The following PEG3 variants were observed in gnomAD, a reference collection of about 807,000 sequenced individuals.
The protein encoded by PEG3 is paternally-expressed gene 3 protein.
In PEG3, 23 loss-of-function variants were observed where a neutral mutation model predicts 35.5. The ratio of observed to expected loss-of-function variants is 0.65; its 90% CI spans 0.47 to 0.92. PEG3 has a LOEUF of 0.92. Ranked by LOEUF, PEG3 falls within the 40% of genes least tolerant of loss-of-function variation. The pLI is 0.00. For missense variants in PEG3, 1,960 were observed against 1,985.3 expected, an observed-to-expected ratio of 0.99 and a Z score of 0.24; for synonymous variants, 707 against 697.0, an observed-to-expected ratio of 1.01 and a Z score of -0.23.
chr19:56,839,558 G>A (rs1452041644), intron 1 of PEG3, among the ~76,000 whole-genome samples: 1 of 150,634 alleles, frequency 6.6e-6, no homozygotes, highest in Non-Finnish European at 1.5e-5. Flanking sequence ...GCGTCAAAGC[G>A]GGCGGGGCCT....
intron 2 of PEG3, among the ~76,000 whole-genome samples, chr19:56,831,239 C>T (rs1332244734): frequency 6.6e-6 from 1 of 152,130 alleles, no homozygotes; most frequent in Non-Finnish European, 1.5e-5. Context: ...ACCACTGGGA[C>T]ATAACAGAGT....
intron 6 of PEG3, among the ~76,000 whole-genome samples, chr19:56,822,253 A>C (rs2060567226): frequency 6.6e-6 from 1 of 152,186 alleles, no homozygotes; most frequent in African/African-American, 2.4e-5. Context: ...GTCCAGGAAG[A>C]AGAGGAAATG....
chr19:56,838,128 C>A (rs1030687716), intron 1 of PEG3, among the ~76,000 whole-genome samples: 2 of 152,158 alleles, frequency 1.3e-5, no homozygotes, highest in Non-Finnish European at 2.9e-5. Flanking sequence ...CGGGGCCATG[C>A]AGACCCCGTC....
intron 8 of PEG3, among the ~76,000 whole-genome samples, chr19:56,818,221 C>T (rs1390506208): frequency 6.6e-6 from 1 of 152,198 alleles, no homozygotes; most frequent in Non-Finnish European, 1.5e-5. Flanking sequence ...AGACCTGCAG[C>T]ACAGCCAACT....
At chr19:56,821,611 G>C in intron 7 of PEG3, 40 bp downstream of exon 7, 1 of 1,607,828 alleles carries the variant, frequency 6.2e-7, no homozygotes, top group South Asian at 1.1e-5. Flanking sequence ...GCCATGAAAT[G>C]AAGATGGCCT....
At position 56,811,658 on chromosome 19, in the gene PEG3, A is replaced by G. The variant is rs2059551165; in HGVS notation, c.*2017T>C. ...CCACAAAGTTCACCCCGACATCAAC[A>G]CTGATTCTCGTTTCAAGAGTCCTTT... On this transcript the variant is annotated 3_prime_UTR_variant, in exon 10 of 10. Transcript: ENST00000326441. 1.0e-6 allele frequency: 1 copy of G among 985,276 alleles called. No individual in the cohort carries two copies. Among genetic ancestry groups the G allele is most frequent in the Non-Finnish European group, 1.2e-6 (1 of 829,932 alleles). 61.0% of individuals were successfully genotyped at this position (985,276 alleles called of 1,614,324 possible).
intron 4 of PEG3, among the ~76,000 whole-genome samples, chr19:56,823,917 C>A (rs1284866654): frequency 7.0e-4 from 107 of 152,146 alleles, no homozygotes; most frequent in Non-Finnish European, 4.4e-5. Flanking sequence ...CACAAACAGC[C>A]AGAAGGCAAC....
At position 56,817,541 on chromosome 19, in the gene PEG3, G is replaced by A. The variant is rs776749398; in HGVS notation, c.901C>T (p.Arg301Trp). 19 of 1,598,592 alleles carry A rather than the reference G, an allele frequency of 1.2e-5. No homozygotes were observed. The highest frequency in any genetic ancestry group is 4.5e-5 in the East Asian group (2 of 44,640). ...TMPEAKKSTH[R>W]RGICEDESSH... is the part of the protein sequence containing the mutation. ...GATTCATCTTCACAAATCCCCCGCC[G>A]GTGGGTTGATTTTTTGGCTTCAGGC... Residue 301 changes from arginine (R) to tryptophan (W), a missense_variant, in exon 10 of 10, where the codon CGG becomes TGG. By Grantham distance (101) the Arg-to-Trp change is moderately radical. This residue lies in a region of PEG3 where 613 missense variants were observed against 577.1 expected (regional missense o/e 1.06). Transcript: ENST00000326441.
Position 56,815,672 on chromosome 19 carries a change from C to A in PEG3, c.2770G>T (p.Val924Phe). 1 of 1,614,186 alleles carries A rather than the reference C, an allele frequency of 6.2e-7. No homozygotes were observed. Among genetic ancestry groups the A allele is most frequent in the Non-Finnish European group, 8.5e-7 (1 of 1,180,020 alleles). ...TATTCACGGACATTTGAGCTGGGAACAGAGAATTCGCCATCCTTCTTAAAC... is the reference window on the plus strand; with the variant it reads ...TATTCACGGACATTTGAGCTGGGAAAAGAGAATTCGCCATCCTTCTTAAAC... The part of the protein sequence containing the change: ...GEFKKDGEFS[V>F]PSSNVREYQK... Residue 924 changes from valine (V) to phenylalanine (F), a missense_variant, in exon 10 of 10, where the codon GTT becomes TTT. Around this residue, in one of 5 missense-constraint regions of PEG3, gnomAD observed 798 missense variants for 782.4 expected, o/e 1.02. Coordinates refer to ENST00000326441, the MANE Select transcript of PEG3 (RefSeq NM_006210.3).
At chr19:56,823,326 C>G (rs1258111720) in intron 5 of PEG3, among the ~76,000 whole-genome samples, 1 of 152,236 alleles carries the variant, frequency 6.6e-6, no homozygotes, top group East Asian at 1.9e-4. Flanking sequence ...GGGGGTACAG[C>G]TGGAAGCAGC....
intron 6 of PEG3, 94 bp downstream of exon 6, chr19:56,822,659 G>T: frequency 6.6e-7 from 1 of 1,515,818 alleles, no homozygotes. Context: ...AAATGGAGCA[G>T]CAGAAACTTC....
intron 1 of PEG3, among the ~76,000 whole-genome samples, chr19:56,836,830 T>C (rs962294715): frequency 9.2e-5 from 14 of 151,806 alleles, no homozygotes; most frequent in African/African-American, 2.9e-4. Flanking sequence ...TAGATGGGCA[T>C]GGTGGCGCGC....
In PEG3 at chr19:56,812,725, G is replaced by A; in HGVS notation, c.*950C>T. 1 of 984,612 alleles carries A rather than the reference G, an allele frequency of 1.0e-6. No individual in the cohort carries two copies. The highest frequency in any genetic ancestry group is 5.2e-4 in the Middle Eastern group (1 of 1,908). 61.0% of individuals were successfully genotyped at this position (984,612 alleles called of 1,614,324 possible). ...GCACTACTGTGATCTAGTGATGGTT[G>A]TAACCCATTCTTTAAAGGCAAAGAT... On this transcript the variant is annotated 3_prime_UTR_variant, in exon 10 of 10. Coordinates refer to ENST00000326441, the MANE Select transcript of PEG3 (RefSeq NM_006210.3).
intron 1 of PEG3, among the ~76,000 whole-genome samples, chr19:56,840,033 G>C (rs560646957): frequency 6.6e-6 from 1 of 152,174 alleles, no homozygotes; most frequent in African/African-American, 2.4e-5. Context: ...AACAAGCCCC[G>C]CCCCCAGAGG....
In PEG3 at chr19:56,822,856, C is replaced by T; in HGVS notation, c.482-20G>A. 6.2e-7 allele frequency: 1 copy of T among 1,608,880 alleles called. No individual in the cohort carries two copies. The highest frequency in any genetic ancestry group is 8.5e-7 in the Non-Finnish European group (1 of 1,177,654). On this transcript the variant is annotated intron_variant, in intron 5 of 9. Coordinates refer to ENST00000326441, the MANE Select transcript of PEG3 (RefSeq NM_006210.3). ...GGTCACCTAAGCAGGTGAGACATTC[C>T]AGTGGTTAACAAAGCTCTTTGACAC...
intron 2 of PEG3, among the ~76,000 whole-genome samples, chr19:56,834,502 T>A (rs1245466652): frequency 1.3e-5 from 2 of 152,194 alleles, no homozygotes; most frequent in Non-Finnish European, 2.9e-5. Context: ...CACTGCTGAG[T>A]ACTTGGGTCC....
chr19:56,812,111 A>G lies in PEG3; in HGVS notation c.*1564T>C. The G allele has an allele frequency of 2.1e-5, 20 of 974,708 alleles. No individual in the cohort carries two copies. The highest frequency in any genetic ancestry group is 2.3e-5 in the Non-Finnish European group (19 of 820,238). The allele number at this position is 974,708 out of a possible 1,614,324, so 60.4% of individuals were successfully genotyped here. On this transcript the variant is annotated 3_prime_UTR_variant, in exon 10 of 10. Transcript: ENST00000326441. Reference sequence around the variant, plus strand: ...AATGATCTACACTTACATTTTGCAAATCTTTTTTTTTAAATTTTTTAAATT... The same window carrying G: ...AATGATCTACACTTACATTTTGCAAGTCTTTTTTTTTAAATTTTTTAAATT...
In PEG3 at chr19:56,812,103, T is replaced by A; in HGVS notation, c.*1572A>T. On this transcript the variant is annotated 3_prime_UTR_variant, in exon 10 of 10. Coordinates refer to ENST00000326441, the MANE Select transcript of PEG3 (RefSeq NM_006210.3). ...CTTGTTCAAATGATCTACACTTACA[T>A]TTTGCAAATCTTTTTTTTTAAATTT... 2 of 977,086 alleles carry A rather than the reference T, an allele frequency of 2.0e-6. No individual in the cohort carries two copies. The highest frequency in any genetic ancestry group is 4.7e-5 in the South Asian group (1 of 21,134). 60.5% of individuals were successfully genotyped at this position (977,086 alleles called of 1,614,324 possible). A position where few individuals can be genotyped will look rare whatever the true frequency, so the allele number is the denominator to read the frequency against.
chr19:56,822,956 C>A, intron 5 of PEG3, 120 bp from the exon 6 acceptor site: 1 of 1,330,106 alleles, frequency 7.5e-7, no homozygotes, highest in South Asian at 1.3e-5. Context: ...GAGATGGATC[C>A]AAAACAGAGA....
Sources: allele counts gnomAD v4.1 joint callset (sites outside exome capture counted in the v4.1 genomes callset), GRCh38; gene constraint gnomAD v4.1.1; regional missense constraint gnomAD v4.1.1; transcripts MANE v1.5; gene names NCBI Gene and HGNC (gene_info 2026-07-23, HGNC 2026-07-21).